Variants in GLDC observed in about 807,000 individuals in gnomAD.
GLDC encodes the protein glycine dehydrogenase (decarboxylating), mitochondrial.
A neutral mutation model predicts 121.3 loss-of-function variants in GLDC; 104 were observed. The observed-to-expected ratio is 0.86, with a 90% CI of 0.73 to 1.01. GLDC has a LOEUF of 1.01. GLDC is among the 50% of genes least tolerant of loss of function. The pLI is 0.00. For synonymous variants in GLDC, 546 were observed against 480.6 expected, an observed-to-expected ratio of 1.14 and a Z score of -1.78; for missense variants, 1,429 against 1,306.6, an observed-to-expected ratio of 1.09 and a Z score of -1.44.
chr9:6,645,215 G>A, intron 1 of GLDC, 30 bp downstream of exon 1: 2 of 1,556,624 alleles, frequency 1.3e-6, no homozygotes, highest in Non-Finnish European at 1.7e-6. Flanking sequence ...GCGGAGGGGA[G>A]GCCGCGGAGG....
chr9:6,618,371 G>C (rs189743820), intron 3 of GLDC, among the ~76,000 whole-genome samples: 6 of 152,086 alleles, frequency 3.9e-5, no homozygotes, highest in African/African-American at 1.2e-4. Flanking sequence ...GCAATGCTGC[G>C]ATCTTGGCTC....
intron 22 of GLDC, among the ~76,000 whole-genome samples, chr9:6,537,351 C>T (rs978035358): frequency 6.6e-6 from 1 of 152,188 alleles, no homozygotes; most frequent in Non-Finnish European, 1.5e-5. Context: ...GAACAACTCC[C>T]AGGTTGATAC....
At chr9:6,601,961 G>A (rs1406129156) in intron 8 of GLDC, 148 bp downstream of exon 8, 9 of 655,466 alleles carry the variant, frequency 1.4e-5, no homozygotes, top group African/African-American at 1.1e-4. Flanking sequence ...ATAAGACAAT[G>A]AGCCTTCTAC....
chr9:6,590,539 T>G (rs926700561), intron 11 of GLDC, among the ~76,000 whole-genome samples: 1 of 152,186 alleles, frequency 6.6e-6, no homozygotes, highest in Admixed American at 6.5e-5. Context: ...CTCTTCCTTT[T>G]TCTTTTGCCA....
chr9:6,601,579 T>C (rs1315380320), intron 8 of GLDC, among the ~76,000 whole-genome samples: 1 of 152,180 alleles, frequency 6.6e-6, no homozygotes, highest in Non-Finnish European at 1.5e-5. Context: ...ATGGTGTACA[T>C]ATAAAGAACA....
At chr9:6,579,249 T>G (rs149370030) in intron 15 of GLDC, among the ~76,000 whole-genome samples, 37 of 152,302 alleles carry the variant, frequency 2.4e-4, no homozygotes, top group African/African-American at 8.7e-4. Flanking sequence ...TTCTAGGTCA[T>G]TCATTCTAGC....
intron 22 of GLDC, among the ~76,000 whole-genome samples, chr9:6,539,201 G>A (rs1177398230): frequency 6.6e-6 from 1 of 152,040 alleles, no homozygotes; most frequent in African/African-American, 2.4e-5. Flanking sequence ...ATATTGGCTG[G>A]GCGTGCTGGC....
rs192136895 is a variant in GLDC at position 6,604,493 on chromosome 9, C to A, written c.1058+95G>T. 52 of 1,143,882 alleles carry A rather than the reference C, an allele frequency of 4.5e-5. No individual in the cohort carries two copies. In the East Asian group the frequency reaches 1.2e-3, roughly 27 times the overall value. 70.9% of individuals were successfully genotyped at this position (1,143,882 alleles called of 1,614,324 possible). ...CATTTCCTTAACTGACTCAACATGG[C>A]CCAGTTGAATTCAGATAGAAATCAA... On this transcript the variant is annotated intron_variant, in intron 7 of 24. Coordinates refer to ENST00000321612, the MANE Select transcript of GLDC (RefSeq NM_000170.3).
intron 2 of GLDC, among the ~76,000 whole-genome samples, chr9:6,625,336 A>C (rs1013189047): frequency 3.3e-5 from 5 of 152,162 alleles, no homozygotes; most frequent in Non-Finnish European, 7.3e-5. Flanking sequence ...ACGTTGTTCC[A>C]CAAGCAGCAC....
intron 7 of GLDC, among the ~76,000 whole-genome samples, chr9:6,602,793 C>T (rs149679727): frequency 8.5e-5 from 13 of 152,124 alleles, no homozygotes; most frequent in African/African-American, 2.9e-4. Context: ...CTCTGAACTT[C>T]TTAGGAGACA....
At chr9:6,569,104 A>G (rs1262696092) in intron 15 of GLDC, 1 of 152,152 alleles carries the variant, frequency 6.6e-6, no homozygotes, top group Non-Finnish European at 1.5e-5. Flanking sequence ...TGATGACTAT[A>G]ACCCAGGCCC....
Position 6,645,590 on chromosome 9 carries a change from GC to G in GLDC, c.-92del. 1.0e-6 allele frequency: 1 copy of G among 965,298 alleles called. No homozygotes were observed. The highest frequency in any genetic ancestry group is 1.3e-6 in the Non-Finnish European group (1 of 748,622). 59.8% of individuals were successfully genotyped at this position (965,298 alleles called of 1,614,324 possible). On this transcript the variant is annotated 5_prime_UTR_variant, in exon 1 of 25. Coordinates refer to ENST00000321612, the MANE Select transcript of GLDC (RefSeq NM_000170.3). ...CCTCGGTCCCCCGGGTGGCGGCTGC[GC>G]CCGGCCTGGAGCCCCTTTCGCTGGA... is the stretch of plus-strand genomic sequence containing the variant.
At chr9:6,585,412 AC>A (rs1818249192) in intron 15 of GLDC, among the ~76,000 whole-genome samples, 1 of 152,252 alleles carries the variant, frequency 6.6e-6, no homozygotes, top group African/African-American at 2.4e-5. Context: ...TTAAAACAAA[AC>A]AAAAATAAGT....
At chr9:6,604,489 A>G (rs1257769151) in intron 7 of GLDC, 99 bp downstream of exon 7, 3 of 1,096,680 alleles carry the variant, frequency 2.7e-6, no homozygotes, top group Admixed American at 1.7e-5. Flanking sequence ...CTGACTCAAC[A>G]TGGCCCAGTT....
At chr9:6,544,766 T>C (rs4419859) in intron 21 of GLDC, among the ~76,000 whole-genome samples, 106,057 of 152,062 alleles carry the variant, frequency 0.7, 38,196 homozygotes, top group East Asian at 0.97. Flanking sequence ...TTGCCTCCTA[T>C]AAAAGTAGAC....
At chr9:6,565,739 C>G in intron 15 of GLDC, 1 of 575,102 alleles carries the variant, frequency 1.7e-6, no homozygotes, top group East Asian at 2.8e-5. Flanking sequence ...AATTTCAAAA[C>G]TATACCAAAA....
At chr9:6,630,862 C>T (rs1346257686) in intron 2 of GLDC, among the ~76,000 whole-genome samples, 2 of 152,178 alleles carry the variant, frequency 1.3e-5, no homozygotes, top group Non-Finnish European at 2.9e-5. Context: ...CTTTCTCTCC[C>T]CCATAGCCAC....
intron 18 of GLDC, 108 bp from the exon 19 acceptor site, chr9:6,554,889 G>A: frequency 2.5e-6 from 2 of 790,372 alleles, no homozygotes; most frequent in Non-Finnish European, 2.2e-6. Context: ...AGGAAAAGCA[G>A]GCAGAGCCAC....
chr9:6,578,670 G>A lies in GLDC; in HGVS notation c.1850+8471C>T, dbSNP rs891980868. Among the ~76,000 whole-genome samples, 7 of 152,132 alleles carry A rather than the reference G, an allele frequency of 4.6e-5. No homozygotes were observed. In the East Asian group the frequency reaches 1.4e-3, roughly 29 times the overall value. On this transcript the variant is annotated intron_variant, in intron 15 of 24. Coordinates refer to ENST00000321612, the MANE Select transcript of GLDC (RefSeq NM_000170.3). Reference sequence around the variant, plus strand: ...TCCTCCCACCTCAGCCCCCAAAGTAGCTGGGACCACAGGTGCTTGCCACCA... The same window carrying A: ...TCCTCCCACCTCAGCCCCCAAAGTAACTGGGACCACAGGTGCTTGCCACCA...
Sources: gnomAD v4.1 joint callset for allele counts (sites outside exome capture counted in the v4.1 genomes callset) on GRCh38, gnomAD v4.1.1 for gene constraint, MANE v1.5 for transcripts, NCBI Gene and HGNC (gene_info 2026-07-23, HGNC 2026-07-21) for gene names.